TAFA1: variants seen among roughly 807,000 people sequenced by gnomAD.
TAFA1 encodes TAFA chemokine like family member 1.
TAFA1 carries 4 observed loss-of-function variants against 18.5 expected under a neutral mutation model. The ratio of observed to expected loss-of-function variants is 0.22; its 90% CI spans 0.11 to 0.49. The LOEUF (loss-of-function observed/expected upper bound fraction) is 0.49. Ranked by LOEUF, TAFA1 falls within the 20% of genes least tolerant of loss-of-function variation. TAFA1 has a pLI of 0.98. For synonymous variants in TAFA1, 56 were observed against 55.2 expected (o/e 1.01, Z -0.06); for missense variants, 147 against 169.0 (o/e 0.87, Z 0.72).
At chr3:68,396,778 A>C (rs2070390557) in intron 2 of TAFA1, among the ~76,000 whole-genome samples, 1 of 152,208 alleles carries the variant, frequency 6.6e-6, no homozygotes, top group East Asian at 1.9e-4. Context: ...ACCTTCCATA[A>C]AAGTTTAAAC....
intron 2 of TAFA1, among the ~76,000 whole-genome samples, chr3:68,378,732 T>C (rs1032915238): frequency 6.6e-6 from 1 of 152,176 alleles, no homozygotes; most frequent in East Asian, 1.9e-4. Flanking sequence ...AGGGAGGTGA[T>C]TGGATCGTGG....
intron 3 of TAFA1, among the ~76,000 whole-genome samples, chr3:68,445,356 C>A (rs908500263): frequency 6.6e-6 from 1 of 152,074 alleles, no homozygotes. Context: ...AGTGGTAGGA[C>A]GTGCACTTTT....
rs1156397897 is a variant in TAFA1 at position 68,070,544 on chromosome 3, C to T, written c.118+63800C>T. On this transcript the variant is annotated intron_variant, in intron 2 of 4. Transcript: ENST00000478136. ...TTTCCCCCATTGTCTTGGGGATTAA[C>T]ATTTGGCTCCTAGTTACTTATGTAA... Among the ~76,000 whole-genome samples, 5 of 152,336 alleles carry T rather than the reference C, an allele frequency of 3.3e-5. No individual in the cohort carries two copies. The East Asian group carries it at 9.6e-4, about 29-fold the overall frequency.
At chr3:68,301,538 G>A (rs1356996572) in intron 2 of TAFA1, among the ~76,000 whole-genome samples, 1 of 152,136 alleles carries the variant, frequency 6.6e-6, no homozygotes, top group African/African-American at 2.4e-5. Flanking sequence ...GTAAACTCTG[G>A]CAAGTTTACC....
At chr3:68,427,510 T>C (rs1468380211) in intron 3 of TAFA1, among the ~76,000 whole-genome samples, 1 of 151,892 alleles carries the variant, frequency 6.6e-6, no homozygotes, top group Non-Finnish European at 1.5e-5. Context: ...AAAAATCTGA[T>C]AACTTTATAT....
At chr3:68,103,199 C>T (rs758007405) in intron 2 of TAFA1, among the ~76,000 whole-genome samples, 8 of 152,168 alleles carry the variant, frequency 5.3e-5, no homozygotes, top group Non-Finnish European at 1.0e-4. Context: ...AATTTGTACT[C>T]TTGCTTCAGG....
At chr3:68,118,560 A>G (rs1320628685) in intron 2 of TAFA1, among the ~76,000 whole-genome samples, 2 of 152,088 alleles carry the variant, frequency 1.3e-5, no homozygotes, top group African/African-American at 4.8e-5. Flanking sequence ...GGCAACCACC[A>G]TGCTACCTTC....
intron 2 of TAFA1, among the ~76,000 whole-genome samples, chr3:68,355,021 G>A (rs181057176): frequency 1.4e-4 from 21 of 152,046 alleles, no homozygotes; most frequent in South Asian, 4.2e-4. Context: ...TTATATGGTC[G>A]TTCAGATCCC....
intron 2 of TAFA1, among the ~76,000 whole-genome samples, chr3:68,123,319 A>T (rs982121284): frequency 6.6e-6 from 1 of 152,114 alleles, no homozygotes; most frequent in South Asian, 2.1e-4. Flanking sequence ...CACTTGGTTT[A>T]CATATTTCTC....
At chr3:67,994,421 CTATAGG>C in the TAFA1 span, among the ~76,000 whole-genome samples, 1 of 152,200 alleles carries the variant, frequency 6.6e-6, no homozygotes, top group African/African-American at 2.4e-5. Flanking sequence ...ATTAAATTAT[CTATAGG>C]ATAATCTTGG....
chr3:68,522,932 G>A (rs1284883782), intron 3 of TAFA1, among the ~76,000 whole-genome samples: 6 of 151,942 alleles, frequency 3.9e-5, no homozygotes, highest in South Asian at 2.1e-4. Context: ...AAAAATTGGC[G>A]AGGTATGGTG....
intron 2 of TAFA1, among the ~76,000 whole-genome samples, chr3:68,113,064 G>C (rs1162404845): frequency 6.6e-6 from 1 of 152,106 alleles, no homozygotes; most frequent in African/African-American, 2.4e-5. Context: ...AAATTGGTGA[G>C]CTGATTCTAA....
intron 2 of TAFA1, among the ~76,000 whole-genome samples, chr3:68,193,250 G>T (rs1479687010): frequency 6.6e-6 from 1 of 151,662 alleles, no homozygotes; most frequent in Non-Finnish European, 1.5e-5. Flanking sequence ...GTAGGAGAGA[G>T]ATTTTATTTT....
intron 3 of TAFA1, among the ~76,000 whole-genome samples, chr3:68,435,665 A>G (rs1051891555): frequency 6.6e-6 from 1 of 152,224 alleles, no homozygotes; most frequent in African/African-American, 2.4e-5. Context: ...GGCAAAAACT[A>G]GAGTGGAGAT....
intron 2 of TAFA1, among the ~76,000 whole-genome samples, chr3:68,130,189 C>T (rs2065520203): frequency 6.6e-6 from 1 of 152,188 alleles, no homozygotes; most frequent in Non-Finnish European, 1.5e-5. Context: ...GACAGCATTG[C>T]AGCCATTCAT....
At chr3:68,500,971 T>C (rs945489765) in intron 3 of TAFA1, among the ~76,000 whole-genome samples, 3 of 151,678 alleles carry the variant, frequency 2.0e-5, no homozygotes, top group Admixed American at 6.6e-5. Flanking sequence ...GGCCAACATG[T>C]TGAAATCCTG....
chr3:68,171,557 G>T (rs2066053924), intron 2 of TAFA1, among the ~76,000 whole-genome samples: 1 of 151,972 alleles, frequency 6.6e-6, no homozygotes, highest in African/African-American at 2.4e-5. Flanking sequence ...TACCAAAAAA[G>T]AAACGTATGG....
At chr3:68,534,936 G>A (rs148421923) in intron 3 of TAFA1, among the ~76,000 whole-genome samples, 5 of 151,958 alleles carry the variant, frequency 3.3e-5, no homozygotes, top group East Asian at 1.9e-4. Flanking sequence ...TGCATTATTC[G>A]CTAGCTTCTG....
intron 3 of TAFA1, among the ~76,000 whole-genome samples, chr3:68,536,417 C>T (rs373782078): frequency 6.6e-6 from 1 of 152,244 alleles, no homozygotes; most frequent in Admixed American, 6.5e-5. Flanking sequence ...ACTTAAAGAT[C>T]ATGGTGGAGA....
Sources: allele counts gnomAD v4.1 joint callset (sites outside exome capture counted in the v4.1 genomes callset), GRCh38; gene constraint gnomAD v4.1.1; transcripts MANE v1.5; gene names NCBI Gene and HGNC (gene_info 2026-07-23, HGNC 2026-07-21).